The following TNFSF11 variants were observed in gnomAD, a reference collection of about 807,000 sequenced individuals.
TNFSF11 encodes TNF superfamily member 11.
Under a neutral mutation model 32.2 loss-of-function variants are expected in TNFSF11, and 12 were observed. That is an observed-to-expected ratio of 0.37 (90% CI 0.24 to 0.60). TNFSF11 has a LOEUF of 0.60. Among genes scored for constraint, TNFSF11 ranks in the 20% least tolerant of loss-of-function variants. The pLI is 0.66. For missense variants in TNFSF11, 345 were observed against 398.0 expected, an observed-to-expected ratio of 0.87 and a Z score of 1.13; for synonymous variants, 172 against 152.1, an observed-to-expected ratio of 1.13 and a Z score of -0.96.
chr13:42,603,487 G>T (rs7995587), intron 4 of TNFSF11, among the ~76,000 whole-genome samples: 1,772 of 152,196 alleles, frequency 0.012, 21 homozygotes, highest in African/African-American at 0.028. Context: ...GGTATTATCT[G>T]CTTCTGAGTC....
intron 2 of TNFSF11, among the ~76,000 whole-genome samples, chr13:42,595,626 T>C (rs1303825629): frequency 6.6e-6 from 1 of 152,226 alleles, no homozygotes; most frequent in East Asian, 1.9e-4. Context: ...TGCACTTCTC[T>C]ACGCAAATCT....
chr13:42,589,281 A>G (rs1168180181), intron 2 of TNFSF11, among the ~76,000 whole-genome samples: 1 of 152,036 alleles, frequency 6.6e-6, no homozygotes, highest in African/African-American at 2.4e-5. Flanking sequence ...CCATCCTGTG[A>G]ATTCTACCGC....
At position 42,599,303 on chromosome 13, in the gene TNFSF11, CTCTA is replaced by C. The variant is rs140280017; in HGVS notation, c.388-1406_388-1403del. Among the ~76,000 whole-genome samples, 612 of 142,840 alleles carry C rather than the reference CTCTA, an allele frequency of 4.3e-3. 10 individuals are homozygous for C. Among genetic ancestry groups the C allele is most frequent in the African/African-American group, 0.014 (527 of 37,708 alleles). The allele number at this position is 142,840 out of a possible 152,430, so 93.7% of individuals were successfully genotyped here. ...ATAACAGTTGAAATTATGTTATTGCCTCTATCTATCTATCTATCTATCTATCTAT... is the reference window on the plus strand; with the variant it reads ...ATAACAGTTGAAATTATGTTATTGCCTCTATCTATCTATCTATCTATCTAT... On this transcript the variant is annotated intron_variant, in intron 2 of 4. Transcript: ENST00000398795.
chr13:42,568,698 A>G (rs1872953654), intron 2 of TNFSF11, among the ~76,000 whole-genome samples: 1 of 152,190 alleles, frequency 6.6e-6, no homozygotes, highest in Non-Finnish European at 1.5e-5. Context: ...AAAAAGAAGA[A>G]GAGTGATCAA....
rs200205273 is a variant in TNFSF11, at chr13:42,600,764, A to G, written c.400A>G (p.Ile134Val). Residue 134 changes from isoleucine (I) to valine (V), a missense_variant, in exon 3 of 5, where the codon ATC (isoleucine) becomes GTC (valine). By Grantham distance (29) the Ile-to-Val change is conservative. This residue lies in a region of TNFSF11 where 197 missense variants were observed against 182.0 expected (regional missense o/e 1.08). Transcript: ENST00000398795. ...QGAVQKELQH[I>V]VGSQHIRAEK... Reference sequence around the variant, plus strand: ...CTTTTTATTTCAGGAATTACAACATATCGTTGGATCACAGCACATCAGAGC... The same window carrying G: ...CTTTTTATTTCAGGAATTACAACATGTCGTTGGATCACAGCACATCAGAGC... 44 of 1,614,068 alleles carry G rather than the reference A, an allele frequency of 2.7e-5. 1 individual carries two copies. In the South Asian group the frequency reaches 4.4e-4, roughly 16 times the overall value.
intron 2 of TNFSF11, among the ~76,000 whole-genome samples, chr13:42,596,368 G>A (rs1369395842): frequency 2.6e-5 from 4 of 152,124 alleles, no homozygotes; most frequent in African/African-American, 9.7e-5. Context: ...AGGATCCCCA[G>A]CAGCCAGATG....
At chr13:42,595,930 CTAAT>C (rs1472091456) in intron 2 of TNFSF11, among the ~76,000 whole-genome samples, 3 of 152,170 alleles carry the variant, frequency 2.0e-5, no homozygotes, top group South Asian at 2.1e-4. Flanking sequence ...TTAAAACACT[CTAAT>C]TAATCTGACA....
intron 4 of TNFSF11, among the ~76,000 whole-genome samples, chr13:42,603,749 G>A (rs1869301143): frequency 6.6e-6 from 1 of 152,140 alleles, no homozygotes; most frequent in Non-Finnish European, 1.5e-5. Flanking sequence ...GCAACATGCA[G>A]AAGTGAAAAT....
intron 2 of TNFSF11, among the ~76,000 whole-genome samples, chr13:42,589,495 A>C (rs920140557): frequency 6.6e-6 from 1 of 152,176 alleles, no homozygotes; most frequent in African/African-American, 2.4e-5. Context: ...AGCATCCTTC[A>C]GTAGATCGCT....
At chr13:42,578,802 G>A (rs556734135) in intron 1 of TNFSF11, among the ~76,000 whole-genome samples, 1 of 152,278 alleles carries the variant, frequency 6.6e-6, no homozygotes, top group African/African-American at 2.4e-5. Flanking sequence ...TCTTTGCATT[G>A]TACTTATTTG....
At chr13:42,598,223 C>T (rs1188125843) in intron 2 of TNFSF11, among the ~76,000 whole-genome samples, 2 of 152,136 alleles carry the variant, frequency 1.3e-5, no homozygotes, top group Non-Finnish European at 2.9e-5. Flanking sequence ...AGACTTAGTT[C>T]TGCTTCCTTC....
chr13:42,569,546 T>TC (rs1555308242), upstream of TNFSF11, among the ~76,000 whole-genome samples: 3 of 10,784 alleles, frequency 2.8e-4, no homozygotes, highest in Non-Finnish European at 6.6e-4. Context: ...ACACTCTGTC[T>TC]CAAAAAAAAA....
At chr13:42,601,446 C>T (rs1869169540) in intron 4 of TNFSF11, among the ~76,000 whole-genome samples, 2 of 152,116 alleles carry the variant, frequency 1.3e-5, no homozygotes, top group Non-Finnish European at 2.9e-5. Context: ...AAAATGAGAT[C>T]TCCTCCCCCT....
intron 2 of TNFSF11, among the ~76,000 whole-genome samples, chr13:42,587,895 T>C (rs547109375): frequency 1.2e-4 from 19 of 152,348 alleles, no homozygotes; most frequent in Admixed American, 2.0e-4. Context: ...ACTGTAATCA[T>C]TGAAGTTGTT....
intron 2 of TNFSF11, among the ~76,000 whole-genome samples, chr13:42,583,074 A>G (rs1001889611): frequency 2.6e-5 from 4 of 152,166 alleles, no homozygotes; most frequent in African/African-American, 4.8e-5. Context: ...TTATGGAAGA[A>G]TAAGTATGGA....
intron 1 of TNFSF11, among the ~76,000 whole-genome samples, chr13:42,577,689 C>A (rs996840563): frequency 2.0e-5 from 3 of 152,128 alleles, no homozygotes; most frequent in African/African-American, 7.2e-5. Flanking sequence ...AACCAACCTC[C>A]CTGGTTGTTT....
chr13:42,599,349 C>CTATCTATCTATCATCTATCTATCT lies in TNFSF11; in HGVS notation c.388-1403_388-1402insTATCTATCTATCATCTATCTATCT, dbSNP rs11385072. ...TCTATCTATCTATCTATCTATCTATCATCTATCTATCTATCTATCTATCTA... is the reference window on the plus strand; with the variant it reads ...TCTATCTATCTATCTATCTATCTATCTATCTATCTATCATCTATCTATCTATCTATCTATCTATCTATCTATCTA... On this transcript the variant is annotated intron_variant, in intron 2 of 4. Coordinates refer to ENST00000398795, the MANE Select transcript of TNFSF11 (RefSeq NM_003701.4). 1.1e-4 allele frequency among the ~76,000 whole-genome samples: 12 copies of CTATCTATCTATCATCTATCTATCT among 112,246 alleles called. No homozygotes were observed. The South Asian group carries it at 2.1e-3, about 20-fold the overall frequency. The allele number at this position is 112,246 out of a possible 152,430, so 73.6% of individuals were successfully genotyped here.
chr13:42,597,340 CT>C (rs774612741), intron 2 of TNFSF11, among the ~76,000 whole-genome samples: 45 of 125,748 alleles, frequency 3.6e-4, no homozygotes, highest in African/African-American at 9.7e-4. Context: ...GCCTTTTGTT[CT>C]TTTTTTTTTT....
chr13:42,597,436 C>T (rs1370118138), intron 2 of TNFSF11, among the ~76,000 whole-genome samples: 1 of 149,488 alleles, frequency 6.7e-6, no homozygotes, highest in African/African-American at 2.5e-5. Context: ...GGGTCCGTAG[C>T]AACTCTGACC....
Sources: gnomAD v4.1 joint callset for allele counts (sites outside exome capture counted in the v4.1 genomes callset) on GRCh38, gnomAD v4.1.1 for gene constraint, gnomAD v4.1.1 regional missense constraint, MANE v1.5 for transcripts, NCBI Gene and HGNC (gene_info 2026-07-23, HGNC 2026-07-21) for gene names.